EFCAB6: variants seen among roughly 807,000 people sequenced by gnomAD.
EFCAB6 encodes EF-hand calcium binding domain 6.
In EFCAB6, 156 loss-of-function variants were observed where a neutral mutation model predicts 169.8. The ratio of observed to expected loss-of-function variants is 0.92; its 90% confidence interval spans 0.81 to 1.05. The LOEUF (loss-of-function observed/expected upper bound fraction) is 1.05. Ranked by LOEUF, EFCAB6 falls within the 50% of genes least tolerant of loss-of-function variation. EFCAB6 has a pLI of 0.00. For synonymous variants in EFCAB6, 698 were observed against 676.4 expected (o/e 1.03, Z -0.50); for missense variants, 1,800 against 1,829.1 (o/e 0.98, Z 0.29).
chr22:43,586,795 C>T (rs1433597738), intron 24 of EFCAB6, among the ~76,000 whole-genome samples: 2 of 152,158 alleles, frequency 1.3e-5, no homozygotes, highest in Non-Finnish European at 1.5e-5. Flanking sequence ...TGAATGCACA[C>T]TCCCGAGCCC....
At position 43,559,957 on chromosome 22, in the gene EFCAB6, C is replaced by T. The variant is rs527639708; in HGVS notation, c.3421-4861G>A. Among the ~76,000 whole-genome samples the T allele has an allele frequency of 3.9e-5, 6 of 152,272 alleles. No individual in the cohort carries two copies. In the South Asian group the frequency reaches 1.2e-3, roughly 32 times the overall value. ...TGGCAGGTTGATAAGTGTAGGAAAC[C>T]ACCATGGCACATGTATACCTATGTA... On this transcript the variant is annotated intron_variant, in intron 26 of 31. Transcript: ENST00000262726.
At chr22:43,565,054 G>C (rs1299825097) in intron 26 of EFCAB6, among the ~76,000 whole-genome samples, 1 of 152,218 alleles carries the variant, frequency 6.6e-6, no homozygotes, top group Non-Finnish European at 1.5e-5. Flanking sequence ...GAAGCTGAGA[G>C]TATTTCCCCG....
intron 18 of EFCAB6, among the ~76,000 whole-genome samples, chr22:43,632,472 G>A (rs938303752): frequency 6.6e-6 from 1 of 151,914 alleles, no homozygotes; most frequent in Non-Finnish European, 1.5e-5. Flanking sequence ...GCTAATTTTT[G>A]TACTTTTGGT....
chr22:43,563,711 C>A (rs2049230975), intron 26 of EFCAB6, among the ~76,000 whole-genome samples: 1 of 152,250 alleles, frequency 6.6e-6, no homozygotes, highest in Admixed American at 6.5e-5. Context: ...GAGTTGGGAA[C>A]TCAGACAGAC....
chr22:43,665,598 T>C (rs1461589346), intron 17 of EFCAB6, among the ~76,000 whole-genome samples: 2 of 152,214 alleles, frequency 1.3e-5, no homozygotes, highest in Non-Finnish European at 2.9e-5. Context: ...CAAAGGGCCC[T>C]GCACGGGCAG....
chr22:43,624,064 T>A (rs2054318430), intron 20 of EFCAB6, among the ~76,000 whole-genome samples: 1 of 152,190 alleles, frequency 6.6e-6, no homozygotes, highest in East Asian at 1.9e-4. Context: ...CACTGCTCAT[T>A]ATCTGTGTCC....
In EFCAB6 at chr22:43,624,267, A is replaced by G. The variant is rs2054336730; in HGVS notation, c.2465+2180T>C. ...TTGGGTCCACCAGACCCCGGGGACC[A>G]AGTCAGTTCTCACTGGGCTGCAGCC... On this transcript the variant is annotated intron_variant, in intron 20 of 31. Transcript: ENST00000262726. Among the ~76,000 whole-genome samples, 2 of 152,162 alleles carry G rather than the reference A, an allele frequency of 1.3e-5. 1 individual carries two copies. The highest frequency in any genetic ancestry group is 4.1e-4 in the South Asian group (2 of 4,830).
intron 2 of EFCAB6, among the ~76,000 whole-genome samples, chr22:43,801,482 A>G (rs2062711589): frequency 6.6e-6 from 1 of 152,250 alleles, no homozygotes; most frequent in South Asian, 2.1e-4. Flanking sequence ...TCTAGCATGA[A>G]GCCCAAAAGA....
chr22:43,530,878 C>G lies in EFCAB6; in HGVS notation c.4320G>C (p.Arg1440=), dbSNP rs151055081. The change falls in exon 31 of 32, where the codon CGG becomes CGC. Residue 1440 remains arginine (R), a synonymous_variant. Transcript: ENST00000262726. The stretch of plus-strand genomic sequence containing the variant: ...CCTCATCATAGCTTTTGAACGTGCG[C>G]CGCATTGGCCTCCAGCAGTGCACAA... The part of the protein sequence containing the change: ...PKIVHCWRPM[R]RTFKSYDEAG... 11 of 1,614,240 alleles carry G rather than the reference C, an allele frequency of 6.8e-6. No homozygotes were observed. In the African/African-American group the frequency reaches 1.5e-4, roughly 22 times the overall value.
Position 43,754,728 on chromosome 22 carries a change from G to A in EFCAB6, c.507+1038C>T, listed in dbSNP as rs186550896. ...ACACTCAAGGTCATGTTGCATTACT[G>A]GTCCTTAACAATGTTTCTGCTGCTG... On this transcript the variant is annotated intron_variant, in intron 6 of 31. Coordinates refer to ENST00000262726, the MANE Select transcript of EFCAB6 (RefSeq NM_022785.4). Among the ~76,000 whole-genome samples, 65 of 152,220 alleles carry A rather than the reference G, an allele frequency of 4.3e-4. 1 individual carries two copies. In the Middle Eastern group the frequency reaches 0.02, roughly 48 times the overall value.
At chr22:43,680,101 GA>G (rs1369816115) in intron 12 of EFCAB6, among the ~76,000 whole-genome samples, 1 of 152,138 alleles carries the variant, frequency 6.6e-6, no homozygotes, top group Non-Finnish European at 1.5e-5. Flanking sequence ...AGAGTTTTAT[GA>G]GTTTAGCTTT....
intron 13 of EFCAB6, among the ~76,000 whole-genome samples, chr22:43,675,416 AAT>A (rs1417579330): frequency 1.6e-5 from 2 of 127,718 alleles, no homozygotes; most frequent in Non-Finnish European, 3.1e-5. Flanking sequence ...TAGGATTTAT[AAT>A]ATATAATATA....
chr22:43,754,118 G>A (rs1291827283), intron 6 of EFCAB6, among the ~76,000 whole-genome samples: 1 of 152,220 alleles, frequency 6.6e-6, no homozygotes, highest in Non-Finnish European at 1.5e-5. Flanking sequence ...GGCTGGAAAG[G>A]AATGAGATTC....
intron 27 of EFCAB6, among the ~76,000 whole-genome samples, chr22:43,547,941 A>G (rs1156313551): frequency 6.6e-6 from 1 of 151,676 alleles, no homozygotes; most frequent in Admixed American, 6.6e-5. Context: ...AATACAAAAA[A>G]CAAAATTAGC....
intron 22 of EFCAB6, among the ~76,000 whole-genome samples, chr22:43,603,858 C>T (rs947631408): frequency 1.3e-5 from 2 of 152,210 alleles, no homozygotes; most frequent in Non-Finnish European, 2.9e-5. Context: ...TGTGTCCCCA[C>T]CCAAATCTCA....
At chr22:43,607,008 C>A (rs1015497804) in intron 22 of EFCAB6, among the ~76,000 whole-genome samples, 3 of 152,120 alleles carry the variant, frequency 2.0e-5, no homozygotes, top group Non-Finnish European at 2.9e-5. Flanking sequence ...AGGGCCAGCA[C>A]CCCCAGCCAT....
intron 22 of EFCAB6, among the ~76,000 whole-genome samples, chr22:43,606,257 G>GCTGTCAGA (rs1224782362): frequency 1.3e-5 from 2 of 152,190 alleles, no homozygotes; most frequent in Non-Finnish European, 2.9e-5. Flanking sequence ...AGCCTTCAGA[G>GCTGTCAGA]GTCCTGACAG....
intron 20 of EFCAB6, among the ~76,000 whole-genome samples, chr22:43,617,201 G>A (rs1312650808): frequency 3.3e-5 from 5 of 152,226 alleles, no homozygotes; most frequent in African/African-American, 9.6e-5. Flanking sequence ...ATGGAATTAC[G>A]TTGCATTTTT....
intron 6 of EFCAB6, among the ~76,000 whole-genome samples, chr22:43,736,573 A>G (rs2060146546): frequency 1.3e-5 from 2 of 151,954 alleles, no homozygotes; most frequent in Admixed American, 1.3e-4. Context: ...GGGCTCACAG[A>G]CGCACACGAC....
Sources: allele counts gnomAD v4.1 joint callset (sites outside exome capture counted in the v4.1 genomes callset), GRCh38; gene constraint gnomAD v4.1.1; transcripts MANE v1.5; gene names NCBI Gene and HGNC (gene_info 2026-07-23, HGNC 2026-07-21).